The following RAB5C variants were observed in gnomAD, a reference collection of about 807,000 sequenced individuals.
The protein encoded by RAB5C is ras-related protein Rab-5C.
A neutral mutation model predicts 25.2 loss-of-function variants in RAB5C; 4 were observed. The ratio of observed to expected loss-of-function variants is 0.16; its 90% CI spans 0.08 to 0.36. The LOEUF (loss-of-function observed/expected upper bound fraction) is 0.36, where lower values mean the gene tolerates loss of function less well. RAB5C is among the 10% of genes least tolerant of loss of function. The probability of loss-of-function intolerance (pLI) is 1.00; values close to 1 mark genes in which losing one functional copy is unlikely to be tolerated. For missense variants in RAB5C, 199 were observed against 283.8 expected, an observed-to-expected ratio of 0.70 and a Z score of 2.15; for synonymous variants, 100 against 106.4, an observed-to-expected ratio of 0.94 and a Z score of 0.37.
chr17:42,152,490 C>T (rs889424406), intron 1 of RAB5C, among the ~76,000 whole-genome samples: 6 of 152,078 alleles, frequency 3.9e-5, no homozygotes, highest in South Asian at 2.1e-4. Flanking sequence ...CCTTCAAAGT[C>T]GTTTCAGGTT....
chr17:42,148,606 T>C (rs1445906519), intron 1 of RAB5C, among the ~76,000 whole-genome samples: 1 of 151,610 alleles, frequency 6.6e-6, no homozygotes, highest in East Asian at 1.9e-4. Context: ...ATGAGGCAAA[T>C]AAGGAACAAT....
intron 1 of RAB5C, among the ~76,000 whole-genome samples, chr17:42,147,123 A>G (rs2079641900): frequency 7.4e-6 from 1 of 134,622 alleles, no homozygotes; most frequent in African/African-American, 3.6e-5. Flanking sequence ...AAAGAAAGAA[A>G]CAGAAAGAAA....
intron 1 of RAB5C, among the ~76,000 whole-genome samples, chr17:42,148,641 C>T (rs895793712): frequency 3.9e-5 from 6 of 152,168 alleles, no homozygotes; most frequent in African/African-American, 1.4e-4. Flanking sequence ...GAAGACAGCC[C>T]ATGTAGGAGA....
intron 1 of RAB5C, among the ~76,000 whole-genome samples, chr17:42,132,182 C>T (rs1292186278): frequency 3.3e-5 from 5 of 152,170 alleles, no homozygotes; most frequent in African/African-American, 1.2e-4. Context: ...TCGTTTTCCA[C>T]ATCCAAGTTC....
chr17:42,128,524 G>A, intron 3 of RAB5C, 125 bp downstream of exon 3: 7 of 1,304,092 alleles, frequency 5.4e-6, no homozygotes, highest in Non-Finnish European at 6.3e-6. Flanking sequence ...CCCCAAACAG[G>A]AAATCTGCCC....
At position 42,128,159 on chromosome 17, in the gene RAB5C, T is replaced by C. The variant is rs2054446938; in HGVS notation, c.441+102A>G. On this transcript the variant is annotated intron_variant, in intron 4 of 5. Transcript: ENST00000346213. ...AGGACAGCAGATGGAAGCTTCCCTG[T>C]TGCCTCCTAGCATGGCCCTTCCCAA... The C allele has an allele frequency of 4.7e-6, 7 of 1,474,274 alleles. No individual in the cohort carries two copies. The African/African-American group carries it at 8.5e-5, about 18-fold the overall frequency. The allele number at this position is 1,474,274 out of a possible 1,614,324, so 91.3% of individuals were successfully genotyped here. A position where few individuals can be genotyped will look rare whatever the true frequency, so the allele number is the denominator to read the frequency against.
intron 4 of RAB5C, 50 bp downstream of exon 4, chr17:42,128,210 CG>C (rs760204595): frequency 6.3e-6 from 10 of 1,580,556 alleles, no homozygotes; most frequent in South Asian, 4.6e-5. Flanking sequence ...CAGGCGAGGC[CG>C]GGGGGAGCTG....
At chr17:42,154,761 C>T in intron 1 of RAB5C, 132 bp downstream of exon 1, 1 of 152,482 alleles carries the variant, frequency 6.6e-6, no homozygotes, top group Non-Finnish European at 1.5e-5. Flanking sequence ...GCCTGGGGAG[C>T]CCCTCAAGAG....
chr17:42,147,967 A>G (rs1220699589), intron 1 of RAB5C, among the ~76,000 whole-genome samples: 1 of 152,200 alleles, frequency 6.6e-6, no homozygotes, highest in Admixed American at 6.5e-5. Flanking sequence ...CCGTGGTGGC[A>G]CATGCCTGTA....
rs34759135 is a variant in RAB5C, at chr17:42,142,164, T to TA, written c.-88-11575dup. Among the ~76,000 whole-genome samples, 250 of 136,082 alleles carry TA rather than the reference T, an allele frequency of 1.8e-3. 4 individuals are homozygous for TA. The South Asian group carries it at 0.019, about 10-fold the overall frequency. 89.3% of individuals were successfully genotyped at this position (136,082 alleles called of 152,430 possible). The stretch of plus-strand genomic sequence containing the variant: ...CCCAACCATGCAAACCATAACCTCT[T>TA]AAAAAAAAAAAAAAAGCCCCATTAA... On this transcript the variant is annotated intron_variant, in intron 1 of 5. Transcript: ENST00000346213.
chr17:42,132,586 C>A (rs1395215032), intron 1 of RAB5C, among the ~76,000 whole-genome samples: 1 of 152,104 alleles, frequency 6.6e-6, no homozygotes, highest in East Asian at 1.9e-4. Flanking sequence ...GTTGCCCAGG[C>A]TAGAGTGCAG....
intron 1 of RAB5C, among the ~76,000 whole-genome samples, chr17:42,149,588 AAATT>A (rs1382142063): frequency 6.6e-6 from 1 of 152,048 alleles, no homozygotes; most frequent in Non-Finnish European, 1.5e-5. Flanking sequence ...AAAAATAAAT[AAATT>A]AATTAATTAA....
intron 1 of RAB5C, among the ~76,000 whole-genome samples, chr17:42,144,116 A>G (rs1205204175): frequency 6.6e-6 from 1 of 152,180 alleles, no homozygotes; most frequent in Admixed American, 6.5e-5. Context: ...AAAGTGTAAA[A>G]TAAATATCCT....
In RAB5C at chr17:42,125,523, G is replaced by C. The variant is rs1318137163; in HGVS notation, c.*260C>G. The C allele has an allele frequency of 3.6e-5, 15 of 416,196 alleles. No homozygotes were observed. The highest frequency in any genetic ancestry group is 2.2e-5 in the Non-Finnish European group (5 of 229,094). 25.8% of individuals were successfully genotyped at this position (416,196 alleles called of 1,614,324 possible). A position where few individuals can be genotyped will look rare whatever the true frequency, so the allele number is the denominator to read the frequency against. On this transcript the variant is annotated 3_prime_UTR_variant, in exon 6 of 6. Transcript: ENST00000346213. ...GGAAAATGGGAGAGCAGTAGAAAGG[G>C]GAGGAAGTGGGAAGAGCAGAAGATC...
At chr17:42,146,948 C>G (rs749057605) in intron 1 of RAB5C, among the ~76,000 whole-genome samples, 1 of 151,238 alleles carries the variant, frequency 6.6e-6, no homozygotes, top group Non-Finnish European at 1.5e-5. Flanking sequence ...TGCAGTGAGC[C>G]GAGATCGTAC....
chr17:42,150,030 A>C (rs1357064747), intron 1 of RAB5C, among the ~76,000 whole-genome samples: 4 of 152,024 alleles, frequency 2.6e-5, no homozygotes, highest in African/African-American at 9.7e-5. Context: ...GATTACAGGC[A>C]TGTGCCACCA....
At chr17:42,132,150 G>A (rs927493771) in intron 1 of RAB5C, among the ~76,000 whole-genome samples, 3 of 152,184 alleles carry the variant, frequency 2.0e-5, no homozygotes, top group African/African-American at 7.2e-5. Context: ...ACAGCAAAGG[G>A]CTTGTTTTGT....
At chr17:42,145,054 T>C (rs2079627255) in intron 1 of RAB5C, among the ~76,000 whole-genome samples, 1 of 145,088 alleles carries the variant, frequency 6.9e-6, no homozygotes, top group African/African-American at 2.5e-5. Flanking sequence ...AGGCCTGTAG[T>C]CCCAGCTACT....
At chr17:42,143,939 T>C (rs550762614) in intron 1 of RAB5C, among the ~76,000 whole-genome samples, 1 of 151,950 alleles carries the variant, frequency 6.6e-6, no homozygotes, top group East Asian at 2.0e-4. Context: ...GCGTGCACCA[T>C]CATACCCAGC....
Sources: allele counts gnomAD v4.1 joint callset (sites outside exome capture counted in the v4.1 genomes callset), GRCh38; gene constraint gnomAD v4.1.1; transcripts MANE v1.5; gene names NCBI Gene and HGNC (gene_info 2026-07-23, HGNC 2026-07-21).